IGSF10: variants seen among roughly 807,000 people sequenced by gnomAD.
IGSF10 encodes the protein immunoglobulin superfamily member 10.
Under a neutral mutation model 128.2 loss-of-function variants are expected in IGSF10, and 126 were observed. The observed-to-expected ratio is 0.98, with a 90% CI of 0.85 to 1.14. IGSF10 has a LOEUF of 1.14. Ranked by LOEUF, IGSF10 falls within the 50% of genes most tolerant of loss-of-function variation. IGSF10 has a pLI of 0.00. For synonymous variants in IGSF10, 1,185 were observed against 1,146.2 expected (o/e 1.03, Z -0.68); for missense variants, 3,295 against 3,149.8 (o/e 1.05, Z -1.10).
the IGSF10 span, among the ~76,000 whole-genome samples, chr3:151,539,203 G>A: frequency 6.6e-6 from 1 of 152,168 alleles, no homozygotes; most frequent in African/African-American, 2.4e-5. Flanking sequence ...CATGACTACA[G>A]AAGAGTCACA....
the IGSF10 span, among the ~76,000 whole-genome samples, chr3:151,612,476 G>A: frequency 1.3e-5 from 2 of 152,138 alleles, no homozygotes; most frequent in African/African-American, 2.4e-5. Flanking sequence ...GGTCAGAATG[G>A]CCTGTATAAT....
At chr3:151,482,259 A>C in the IGSF10 span, among the ~76,000 whole-genome samples, 5 of 152,338 alleles carry the variant, frequency 3.3e-5, no homozygotes, top group East Asian at 9.6e-4. Context: ...ATCTTAAGGA[A>C]ACTCAGCAAG....
chr3:151,531,067 C>T, the IGSF10 span, among the ~76,000 whole-genome samples: 2 of 152,114 alleles, frequency 1.3e-5, no homozygotes, highest in African/African-American at 4.8e-5. Context: ...GACTTTAAAA[C>T]AATAAAAATT....
the IGSF10 span, among the ~76,000 whole-genome samples, chr3:151,587,851 C>A: frequency 6.6e-6 from 1 of 152,202 alleles, no homozygotes; most frequent in Non-Finnish European, 1.5e-5. Context: ...TCTCTCTTTG[C>A]CTGCTGCCAT....
the IGSF10 span, among the ~76,000 whole-genome samples, chr3:151,513,661 G>C: frequency 6.6e-6 from 1 of 152,120 alleles, no homozygotes; most frequent in East Asian, 1.9e-4. Flanking sequence ...CATTCAACTA[G>C]GAAAAGAGGA....
the IGSF10 span, among the ~76,000 whole-genome samples, chr3:151,519,890 A>G: frequency 2.0e-5 from 3 of 151,950 alleles, no homozygotes; most frequent in East Asian, 5.8e-4. Context: ...AAGCTGAAAG[A>G]AAGACTAATA....
chr3:151,599,236 C>G, the IGSF10 span, among the ~76,000 whole-genome samples: 1 of 148,204 alleles, frequency 6.7e-6, no homozygotes, highest in Admixed American at 6.7e-5. Context: ...GTTGTTAGAG[C>G]AAAAAGTGCC....
At chr3:151,466,464 T>C in the IGSF10 span, among the ~76,000 whole-genome samples, 1 of 152,240 alleles carries the variant, frequency 6.6e-6, no homozygotes, top group African/African-American at 2.4e-5. Flanking sequence ...GTAGGTACTT[T>C]ATTTTTAATA....
the IGSF10 span, among the ~76,000 whole-genome samples, chr3:151,511,561 T>TGTTA: frequency 6.6e-6 from 1 of 152,134 alleles, no homozygotes; most frequent in Non-Finnish European, 1.5e-5. Flanking sequence ...CATCAACTAA[T>TGTTA]GAGCAAAATC....
At chr3:151,550,387 T>G in the IGSF10 span, among the ~76,000 whole-genome samples, 1 of 152,190 alleles carries the variant, frequency 6.6e-6, no homozygotes, top group Non-Finnish European at 1.5e-5. Flanking sequence ...TATTTTTAAG[T>G]GTTCTTGTGT....
chr3:151,496,204 A>ATT, the IGSF10 span, among the ~76,000 whole-genome samples: 73 of 150,614 alleles, frequency 4.8e-4, 1 homozygote, highest in East Asian at 6.5e-3. Context: ...CTGAAGCAGT[A>ATT]TTTTTTTTTA....
At chr3:151,547,202 A>T in the IGSF10 span, among the ~76,000 whole-genome samples, 1 of 152,144 alleles carries the variant, frequency 6.6e-6, no homozygotes, top group African/African-American at 2.4e-5. Context: ...ACACCGTCCC[A>T]CACACATGCA....
the IGSF10 span, among the ~76,000 whole-genome samples, chr3:151,610,900 C>A: frequency 6.6e-6 from 1 of 152,110 alleles, no homozygotes; most frequent in East Asian, 1.9e-4. Context: ...ATAATAATCA[C>A]CTCATAAAGG....
the IGSF10 span, among the ~76,000 whole-genome samples, chr3:151,567,028 G>A: frequency 6.6e-6 from 1 of 152,184 alleles, no homozygotes; most frequent in Non-Finnish European, 1.5e-5. Context: ...CTAGCCTGTA[G>A]GCAAATGTAT....
chr3:151,596,995 C>T, the IGSF10 span, among the ~76,000 whole-genome samples: 9 of 151,570 alleles, frequency 5.9e-5, no homozygotes, highest in Admixed American at 2.0e-4. Context: ...TGTAACTTCT[C>T]TGAGTTTCCG....
Position 151,445,979 on chromosome 3 carries a change from G to A in IGSF10, c.4002C>T (p.Thr1334=). Reference sequence around the variant, plus strand: ...TTTGTGCTCTAGATCTCTCTGTTTGGGTTTCATAAGTGATGACAGATGCAG... The same window carrying A: ...TTTGTGCTCTAGATCTCTCTGTTTGAGTTTCATAAGTGATGACAGATGCAG... ...TFPASVITYE[T]QTERSRAQTI... is the part of the protein sequence containing the mutation. The change falls in exon 6 of 8, where the codon ACC becomes ACT. Residue 1334 remains threonine (T), a synonymous_variant. Transcript: ENST00000282466. 1 of 1,614,100 alleles carries A rather than the reference G, an allele frequency of 6.2e-7. No homozygotes were observed. The highest frequency in any genetic ancestry group is 8.5e-7 in the Non-Finnish European group (1 of 1,180,030).
chr3:151,497,710 G>T, the IGSF10 span, among the ~76,000 whole-genome samples: 1 of 152,082 alleles, frequency 6.6e-6, no homozygotes, highest in Non-Finnish European at 1.5e-5. Context: ...CCAATTTTTT[G>T]AAGAAAGTCA....
Position 151,438,148 on chromosome 3 carries a change from G to GTT in IGSF10, c.6411_6412dup (p.Thr2138LysfsTer7), listed in dbSNP as rs748969775. 164 of 1,614,074 alleles carry GTT rather than the reference G, an allele frequency of 1.0e-4. No homozygotes were observed. Among genetic ancestry groups the GTT allele is most frequent in the Non-Finnish European group, 1.3e-4 (151 of 1,180,032 alleles). On this transcript the variant is annotated frameshift_variant, in exon 8 of 8. Coordinates refer to ENST00000282466, the MANE Select transcript of IGSF10 (RefSeq NM_178822.5). LOFTEE classifies it low-confidence loss of function (END_TRUNC). ...ACTCTGCCTTATCCGGGGAGCAGCT[G>GTT]TTATAACTGTTAAGTGGACCTTCAT...
At chr3:151,579,082 C>T in the IGSF10 span, among the ~76,000 whole-genome samples, 1 of 152,186 alleles carries the variant, frequency 6.6e-6, no homozygotes, top group Non-Finnish European at 1.5e-5. Flanking sequence ...TTGAAAAGAA[C>T]ATTAAAAACA....
Sources: allele counts gnomAD v4.1 joint callset (sites outside exome capture counted in the v4.1 genomes callset), GRCh38; gene constraint gnomAD v4.1.1; transcripts MANE v1.5; gene names NCBI Gene and HGNC (gene_info 2026-07-23, HGNC 2026-07-21).